Variants in TEX11 observed in about 807,000 individuals in gnomAD.
TEX11 encodes the protein testis expressed 11, also known as testis-expressed protein 11.
TEX11 carries 7 observed loss-of-function variants against 84.4 expected under a neutral mutation model. The observed-to-expected ratio is 0.08, with a 90% CI of 0.05 to 0.16. The LOEUF (loss-of-function observed/expected upper bound fraction) is 0.16. TEX11 is among the 10% of genes least tolerant of loss of function. TEX11 has a pLI of 1.00. For missense variants in TEX11, 551 were observed against 660.5 expected, an observed-to-expected ratio of 0.83 and a Z score of 1.82; for synonymous variants, 264 against 222.8, an observed-to-expected ratio of 1.18 and a Z score of -1.64.
the TEX11 span, among the ~76,000 whole-genome samples, chrX:70,521,383 A>G: frequency 2.6e-3 from 282 of 109,711 alleles, no homozygotes; most frequent in African/African-American, 8.8e-3. Flanking sequence ...TGTTCACACG[A>G]TTCTCCTGCC....
chrX:70,629,569 GA>G, intron 18 of TEX11, 41 bp downstream of exon 18: 1 of 1,186,538 alleles, frequency 8.4e-7, no homozygotes, highest in Non-Finnish European at 1.1e-6. Flanking sequence ...TTTCAAAAAG[GA>G]AAAGGGATAA....
chrX:70,642,096 G>T (rs1282775030), intron 17 of TEX11, among the ~76,000 whole-genome samples: 2 of 110,606 alleles, frequency 1.8e-5, no homozygotes, highest in East Asian at 5.7e-4. Flanking sequence ...TATCACCACC[G>T]ATCCCACAGA....
chrX:70,537,437 G>A (rs186696447), intron 28 of TEX11, among the ~76,000 whole-genome samples: 1 of 109,051 alleles, frequency 9.2e-6, no homozygotes, highest in East Asian at 2.9e-4. Context: ...AGAACTGATG[G>A]TGGCAAGGTA....
At chrX:70,781,781 G>T (rs1462086495) in intron 9 of TEX11, among the ~76,000 whole-genome samples, 2 of 111,501 alleles carry the variant, frequency 1.8e-5, no homozygotes, top group African/African-American at 6.5e-5. Context: ...AGAGTAAAAA[G>T]AAATGAACAA....
At chrX:70,582,100 T>C (rs2088784503) in intron 25 of TEX11, among the ~76,000 whole-genome samples, 2 of 111,816 alleles carry the variant, frequency 1.8e-5, no homozygotes, top group African/African-American at 6.5e-5. Context: ...CTGTTGCATG[T>C]TGATGTCAAT....
chrX:70,513,318 A>C, the TEX11 span, among the ~76,000 whole-genome samples: 4 of 102,592 alleles, frequency 3.9e-5, no homozygotes, highest in African/African-American at 1.5e-4. Flanking sequence ...GTGCCATTGC[A>C]CTCCAGCCTG....
chrX:70,847,850 G>C (rs766880987), intron 7 of TEX11, among the ~76,000 whole-genome samples: 31 of 111,940 alleles, frequency 2.8e-4, no homozygotes, highest in African/African-American at 1.0e-3. Context: ...AGCAGTGTTT[G>C]CTCTACTTTC....
At chrX:70,761,509 G>C (rs1484400316) in intron 9 of TEX11, among the ~76,000 whole-genome samples, 1 of 111,596 alleles carries the variant, frequency 9.0e-6, no homozygotes, top group East Asian at 2.8e-4. Flanking sequence ...CTATCACAAG[G>C]ACAGAAAACC....
chrX:70,845,432 G>T (rs1426399843), intron 7 of TEX11, among the ~76,000 whole-genome samples: 1 of 111,134 alleles, frequency 9.0e-6, no homozygotes, highest in Non-Finnish European at 1.9e-5. Context: ...AAAGTGATGG[G>T]ATTACAGGCA....
intron 13 of TEX11, 152 bp from the exon 14 acceptor site, chrX:70,682,977 T>C: frequency 8.1e-6 from 4 of 492,541 alleles, no homozygotes; most frequent in Non-Finnish European, 1.3e-5. Context: ...TAAGCTTAAT[T>C]TGTCAATATT....
chrX:70,779,218 C>T (rs2091020936), intron 9 of TEX11, among the ~76,000 whole-genome samples: 1 of 109,411 alleles, frequency 9.1e-6, no homozygotes, highest in South Asian at 3.9e-4. Flanking sequence ...AGTTCTAGAC[C>T]AGCCTGGCCA....
intron 11 of TEX11, among the ~76,000 whole-genome samples, chrX:70,737,777 T>A (rs749814185): frequency 9.1e-6 from 1 of 110,445 alleles, no homozygotes; most frequent in East Asian, 2.8e-4. Flanking sequence ...CATAATGATG[T>A]CTATTATTAA....
At chrX:70,825,211 C>A (rs1200789440) in intron 8 of TEX11, among the ~76,000 whole-genome samples, 1 of 110,073 alleles carries the variant, frequency 9.1e-6, no homozygotes. Flanking sequence ...ACTAGGGAGG[C>A]TGAGGCAGGA....
chrX:70,889,467 C>CA (rs962336440), intron 2 of TEX11, among the ~76,000 whole-genome samples: 1 of 107,269 alleles, frequency 9.3e-6, no homozygotes, highest in Non-Finnish European at 1.9e-5. Flanking sequence ...ATAGTAAGTA[C>CA]AAAAAAAAAG....
chrX:70,818,159 C>T (rs970688140), intron 8 of TEX11, among the ~76,000 whole-genome samples: 1 of 110,588 alleles, frequency 9.0e-6, no homozygotes, highest in African/African-American at 3.3e-5. Context: ...CGTGGTGACG[C>T]GCGCCTGGAA....
At chrX:70,626,426 T>C (rs2089452421) in intron 18 of TEX11, among the ~76,000 whole-genome samples, 1 of 110,402 alleles carries the variant, frequency 9.1e-6, no homozygotes, top group East Asian at 2.8e-4. Flanking sequence ...CTACCGCCTC[T>C]TACCTTTCCA....
At chrX:70,621,354 C>T (rs1569360685) in intron 20 of TEX11, among the ~76,000 whole-genome samples, 1 of 103,009 alleles carries the variant, frequency 9.7e-6, no homozygotes, top group Non-Finnish European at 2.0e-5. Flanking sequence ...AACCCCGTCT[C>T]TACTAAACAT....
chrX:70,539,038 A>ATAT, intron 28 of TEX11, among the ~76,000 whole-genome samples: 2 of 41,245 alleles, frequency 4.8e-5, no homozygotes, highest in East Asian at 2.3e-3. Context: ...ATATATATAT[A>ATAT]TTTTTTTTTT....
chrX:70,797,814 TA>T (rs768167107), intron 9 of TEX11, among the ~76,000 whole-genome samples: 40 of 100,797 alleles, frequency 4.0e-4, no homozygotes, highest in African/African-American at 1.3e-3. Context: ...CTTTCAAGAT[TA>T]AAAAAAAATT....
Sources: allele counts gnomAD v4.1 joint callset (sites outside exome capture counted in the v4.1 genomes callset), GRCh38; gene constraint gnomAD v4.1.1; transcripts MANE v1.5; gene names NCBI Gene and HGNC (gene_info 2026-07-23, HGNC 2026-07-21).